THSD7B: variants seen among roughly 807,000 people sequenced by gnomAD.
THSD7B encodes thrombospondin type-1 domain-containing protein 7B.
THSD7B carries 138 observed loss-of-function variants against 213.6 expected under a neutral mutation model. The observed-to-expected ratio is 0.65, with a 90% CI of 0.56 to 0.74. THSD7B has a LOEUF of 0.74. Ranked by LOEUF, THSD7B falls within the 30% of genes least tolerant of loss-of-function variation. THSD7B has a pLI of 0.00. For synonymous variants in THSD7B, 742 were observed against 687.0 expected, an observed-to-expected ratio of 1.08 and a Z score of -1.25; for missense variants, 1,931 against 1,991.5, an observed-to-expected ratio of 0.97 and a Z score of 0.58.
At chr2:136,907,868 A>G (rs1251641102) in intron 2 of THSD7B, among the ~76,000 whole-genome samples, 1 of 152,198 alleles carries the variant, frequency 6.6e-6, no homozygotes, top group Admixed American at 6.6e-5. Flanking sequence ...TGTCACCAAC[A>G]TTAAGCAGTA....
At chr2:137,548,943 A>G (rs1290554917) in intron 15 of THSD7B, among the ~76,000 whole-genome samples, 1 of 152,038 alleles carries the variant, frequency 6.6e-6, no homozygotes, top group Admixed American at 6.6e-5. Flanking sequence ...TATATTGAGC[A>G]AGGCAACAGT....
At chr2:137,205,805 A>G (rs1680972885) in intron 7 of THSD7B, among the ~76,000 whole-genome samples, 1 of 152,092 alleles carries the variant, frequency 6.6e-6, no homozygotes, top group Admixed American at 6.6e-5. Flanking sequence ...AAGTGATTCT[A>G]CAACAGCTGT....
intron 7 of THSD7B, among the ~76,000 whole-genome samples, chr2:137,219,293 G>A (rs1170355970): frequency 1.3e-5 from 2 of 152,136 alleles, no homozygotes; most frequent in African/African-American, 2.4e-5. Context: ...TACACAGTCA[G>A]TGATGTTTGC....
chr2:137,589,595 T>C (rs2104811782), intron 17 of THSD7B, among the ~76,000 whole-genome samples: 1 of 152,316 alleles, frequency 6.6e-6, no homozygotes, highest in Non-Finnish European at 1.5e-5. Context: ...TCTTTTTGGT[T>C]TTTGTTTTTC....
At chr2:136,850,915 C>A (rs1384052868) in intron 1 of THSD7B, among the ~76,000 whole-genome samples, 1 of 151,792 alleles carries the variant, frequency 6.6e-6, no homozygotes. Context: ...TGAACTCAGC[C>A]AGGAGTGATA....
intron 5 of THSD7B, among the ~76,000 whole-genome samples, chr2:137,145,976 A>C (rs1459874723): frequency 6.6e-6 from 1 of 152,090 alleles, no homozygotes; most frequent in Admixed American, 6.6e-5. Flanking sequence ...TAGTATTTTA[A>C]AATGTAAATA....
chr2:137,479,522 C>A, intron 15 of THSD7B: 1 of 400,406 alleles, frequency 2.5e-6, no homozygotes, highest in South Asian at 1.8e-5. Context: ...GGGTTCCTTT[C>A]GCTGGGAGCA....
intron 2 of THSD7B, among the ~76,000 whole-genome samples, chr2:136,954,483 G>A (rs185247759): frequency 6.6e-6 from 1 of 152,190 alleles, no homozygotes; most frequent in Admixed American, 6.5e-5. Context: ...TTGGGAGGCC[G>A]AGGCGGGCGG....
chr2:137,158,623 A>G (rs766541871), intron 5 of THSD7B, among the ~76,000 whole-genome samples: 3 of 151,210 alleles, frequency 2.0e-5, no homozygotes, highest in Non-Finnish European at 1.5e-5. Context: ...CTCATTGTTC[A>G]TTAGAAATAC....
At chr2:136,885,658 T>C (rs771853316) in intron 2 of THSD7B, among the ~76,000 whole-genome samples, 14 of 152,198 alleles carry the variant, frequency 9.2e-5, no homozygotes, top group Admixed American at 1.3e-4. Flanking sequence ...TAAATTGTGC[T>C]CTCTTAAAAA....
chr2:137,079,504 T>C (rs60905548), intron 3 of THSD7B, among the ~76,000 whole-genome samples: 14,447 of 152,220 alleles, frequency 0.095, 929 homozygotes, highest in African/African-American at 0.18. Context: ...TTGTCTTGAA[T>C]TTTAATTTGT....
intron 1 of THSD7B, among the ~76,000 whole-genome samples, chr2:136,795,298 A>T (rs1682041684): frequency 6.6e-6 from 1 of 151,854 alleles, no homozygotes; most frequent in Admixed American, 6.6e-5. Context: ...TCCTTGGCTC[A>T]TGGCTGCTTC....
chr2:137,209,650 A>G (rs1045115234), intron 7 of THSD7B, among the ~76,000 whole-genome samples: 1 of 152,130 alleles, frequency 6.6e-6, no homozygotes, highest in African/African-American at 2.4e-5. Context: ...ATGATGCCTA[A>G]TAATAGTCAC....
intron 4 of THSD7B, among the ~76,000 whole-genome samples, chr2:137,103,976 G>A (rs925475031): frequency 1.3e-5 from 2 of 152,088 alleles, no homozygotes; most frequent in African/African-American, 4.8e-5. Context: ...AGATCAACGA[G>A]ACAGAAAATT....
At chr2:137,419,239 G>T (rs779105516) in intron 14 of THSD7B, among the ~76,000 whole-genome samples, 2 of 151,258 alleles carry the variant, frequency 1.3e-5, no homozygotes, top group Non-Finnish European at 2.9e-5. Context: ...ATTTTTCTTG[G>T]CCCCTTTGCC....
chr2:136,966,274 G>A lies in THSD7B; in HGVS notation c.139+83957G>A, dbSNP rs138900037. On this transcript the variant is annotated intron_variant, in intron 2 of 27. Coordinates refer to ENST00000409968, the MANE Select transcript of THSD7B (RefSeq NM_001316349.2). Reference sequence around the variant, plus strand: ...AGTCTGTTGCCCAGGCTGAAGTACCGTGGCATGATTTTGGCTCACTGCAGC... The same window carrying A: ...AGTCTGTTGCCCAGGCTGAAGTACCATGGCATGATTTTGGCTCACTGCAGC... 1.8e-3 allele frequency among the ~76,000 whole-genome samples: 273 copies of A among 151,414 alleles called. 1 individual carries two copies. The highest frequency in any genetic ancestry group is 6.4e-3 in the African/African-American group (264 of 41,252).
chr2:137,076,565 C>T lies in THSD7B; in HGVS notation c.951-18308C>T, dbSNP rs566250819. Reference sequence around the variant, plus strand: ...GGTGAGGCGATGTCTCGCCCTGTTTCGGCTGGCGCACAGTGCGCTGCACCC... The same window carrying T: ...GGTGAGGCGATGTCTCGCCCTGTTTTGGCTGGCGCACAGTGCGCTGCACCC... On this transcript the variant is annotated intron_variant, in intron 3 of 27. Transcript: ENST00000409968. Among the ~76,000 whole-genome samples, 27 of 152,286 alleles carry T rather than the reference C, an allele frequency of 1.8e-4. No homozygotes were observed. In the South Asian group the frequency reaches 4.1e-3, roughly 23 times the overall value.
chr2:137,082,858 G>A (rs1314744744), intron 3 of THSD7B, among the ~76,000 whole-genome samples: 1 of 152,038 alleles, frequency 6.6e-6, no homozygotes, highest in Admixed American at 6.6e-5. Context: ...ATGTTTTCCA[G>A]TGACAGAAAT....
chr2:137,247,436 T>G (rs549443834), intron 10 of THSD7B, among the ~76,000 whole-genome samples: 2 of 152,254 alleles, frequency 1.3e-5, no homozygotes, highest in South Asian at 4.1e-4. Flanking sequence ...AATTGCCAGA[T>G]ATGTTTACCA....
Sources: gnomAD v4.1 joint callset for allele counts (sites outside exome capture counted in the v4.1 genomes callset) on GRCh38, gnomAD v4.1.1 for gene constraint, MANE v1.5 for transcripts, NCBI Gene and HGNC (gene_info 2026-07-23, HGNC 2026-07-21) for gene names.